Variants in CACNA2D3 observed in about 807,000 individuals in gnomAD.
CACNA2D3 encodes the protein calcium voltage-gated channel auxiliary subunit alpha2delta 3.
In CACNA2D3, 60 loss-of-function variants were observed where a neutral mutation model predicts 160.6. That is an observed-to-expected ratio of 0.37 (90% CI 0.30 to 0.46). CACNA2D3 has a LOEUF of 0.46. Among genes scored for constraint, CACNA2D3 ranks in the 20% least tolerant of loss-of-function variants. CACNA2D3 has a pLI of 1.00. For synonymous variants in CACNA2D3, 558 were observed against 492.9 expected, an observed-to-expected ratio of 1.13 and a Z score of -1.75; for missense variants, 1,205 against 1,365.0, an observed-to-expected ratio of 0.88 and a Z score of 1.85.
intron 2 of CACNA2D3, among the ~76,000 whole-genome samples, chr3:54,320,132 A>G (rs1703955072): frequency 6.6e-6 from 1 of 152,308 alleles, no homozygotes; most frequent in African/African-American, 2.4e-5. Flanking sequence ...AATTGTCTTT[A>G]GTGAGAATTT....
chr3:54,164,958 G>C (rs545893544), intron 2 of CACNA2D3, among the ~76,000 whole-genome samples: 32 of 152,172 alleles, frequency 2.1e-4, no homozygotes, highest in Admixed American at 2.6e-4. Flanking sequence ...GCCATGCTAG[G>C]GGGATCAGTA....
At chr3:54,525,779 A>G (rs1442106061) in intron 5 of CACNA2D3, among the ~76,000 whole-genome samples, 2 of 147,606 alleles carry the variant, frequency 1.4e-5, no homozygotes, top group African/African-American at 4.9e-5. Context: ...TTTGGCCTTC[A>G]GCTTTTTTTT....
intron 11 of CACNA2D3, among the ~76,000 whole-genome samples, chr3:54,653,368 C>T (rs1450663462): frequency 2.6e-5 from 4 of 152,092 alleles, no homozygotes; most frequent in Admixed American, 1.3e-4. Flanking sequence ...TCCTCTTTCT[C>T]TTTCTTTCTC....
At chr3:54,951,556 C>T (rs1211647136) in intron 27 of CACNA2D3, among the ~76,000 whole-genome samples, 4 of 152,158 alleles carry the variant, frequency 2.6e-5, no homozygotes, top group East Asian at 1.9e-4. Context: ...CCAGAACAGA[C>T]CCCTAGGGGG....
At chr3:54,863,993 T>G (rs1404689757) in intron 17 of CACNA2D3, among the ~76,000 whole-genome samples, 1 of 152,158 alleles carries the variant, frequency 6.6e-6, no homozygotes, top group Non-Finnish European at 1.5e-5. Flanking sequence ...CATGTAAGAT[T>G]ACATCTCCGA....
intron 11 of CACNA2D3, among the ~76,000 whole-genome samples, chr3:54,715,777 AAG>A (rs1247331016): frequency 1.3e-5 from 2 of 152,220 alleles, no homozygotes; most frequent in Non-Finnish European, 2.9e-5. Context: ...AGCCATAAAA[AAG>A]AGGGAAACTC....
intron 3 of CACNA2D3, among the ~76,000 whole-genome samples, chr3:54,372,412 GA>G (rs1698940384): frequency 6.6e-6 from 1 of 152,158 alleles, no homozygotes; most frequent in East Asian, 1.9e-4. Context: ...AGAGTTGCCA[GA>G]GTCCCTGCTG....
intron 3 of CACNA2D3, among the ~76,000 whole-genome samples, chr3:54,381,197 C>T (rs1043456881): frequency 3.3e-5 from 5 of 152,072 alleles, no homozygotes; most frequent in Non-Finnish European, 5.9e-5. Context: ...TTAGCTTTAG[C>T]ATAAGAAATA....
chr3:54,643,851 G>A (rs758777185), intron 11 of CACNA2D3, among the ~76,000 whole-genome samples: 4 of 152,164 alleles, frequency 2.6e-5, no homozygotes, highest in East Asian at 1.9e-4. Context: ...GTAAACATGA[G>A]TAGGGCCATG....
chr3:54,301,706 A>G lies in CACNA2D3; in HGVS notation c.205-18736A>G, dbSNP rs549910179. Among the ~76,000 whole-genome samples, 67 of 152,258 alleles carry G rather than the reference A, an allele frequency of 4.4e-4. No individual in the cohort carries two copies. In the East Asian group the frequency reaches 0.012, roughly 26 times the overall value. ...TCCCAGATTTTATCCTACCCCATGAAACACAGCAGGCACATGTGCACACAT... is the reference window on the plus strand; with the variant it reads ...TCCCAGATTTTATCCTACCCCATGAGACACAGCAGGCACATGTGCACACAT... On this transcript the variant is annotated intron_variant, in intron 2 of 37. Transcript: ENST00000474759.
At chr3:54,584,022 C>T (rs1201419470) in intron 9 of CACNA2D3, among the ~76,000 whole-genome samples, 1 of 152,052 alleles carries the variant, frequency 6.6e-6, no homozygotes, top group Non-Finnish European at 1.5e-5. Context: ...ACCAATCCTA[C>T]ATGGTTTCAG....
intron 12 of CACNA2D3, among the ~76,000 whole-genome samples, chr3:54,753,076 G>A (rs1191189838): frequency 6.6e-6 from 1 of 152,080 alleles, no homozygotes; most frequent in Non-Finnish European, 1.5e-5. Context: ...GGCCAGGCTG[G>A]TCTAGAACTC....
chr3:54,729,372 A>G (rs1701340676), intron 11 of CACNA2D3, among the ~76,000 whole-genome samples: 1 of 152,164 alleles, frequency 6.6e-6, no homozygotes, highest in Non-Finnish European at 1.5e-5. Flanking sequence ...ATCCAACCTT[A>G]ATAGATAGAT....
intron 11 of CACNA2D3, among the ~76,000 whole-genome samples, chr3:54,743,983 G>T (rs558073355): frequency 6.6e-6 from 1 of 152,276 alleles, no homozygotes; most frequent in African/African-American, 2.4e-5. Flanking sequence ...CTGTCTGTCT[G>T]TCCCTTCCAT....
intron 2 of CACNA2D3, among the ~76,000 whole-genome samples, chr3:54,269,918 CTGTT>C (rs1271890954): frequency 1.3e-5 from 2 of 152,156 alleles, no homozygotes; most frequent in Admixed American, 6.5e-5. Context: ...TACATGGTCT[CTGTT>C]GTGTTGTCAT....
intron 27 of CACNA2D3, chr3:54,925,249 C>A: frequency 6.4e-7 from 1 of 1,564,800 alleles, no homozygotes; most frequent in South Asian, 1.1e-5. Context: ...GGATAGGAAC[C>A]AGTTTGTGAG....
intron 2 of CACNA2D3, among the ~76,000 whole-genome samples, chr3:54,217,874 G>C (rs62252195): frequency 0.052 from 5,200 of 99,374 alleles, 112 homozygotes; most frequent in African/African-American, 0.14. Context: ...GAGAGAGACA[G>C]AGAGAGAGAG....
intron 27 of CACNA2D3, among the ~76,000 whole-genome samples, chr3:54,962,603 G>C (rs1044318750): frequency 2.6e-5 from 4 of 152,174 alleles, no homozygotes; most frequent in Non-Finnish European, 4.4e-5. Context: ...TCTATTGGTG[G>C]AGACAGAGAG....
chr3:54,784,020 A>G (rs1008750080), intron 13 of CACNA2D3, among the ~76,000 whole-genome samples: 4 of 152,242 alleles, frequency 2.6e-5, no homozygotes, highest in Admixed American at 1.3e-4. Context: ...GTTATTCATG[A>G]TACACACAAC....
Sources: gnomAD v4.1 joint callset for allele counts (sites outside exome capture counted in the v4.1 genomes callset) on GRCh38, gnomAD v4.1.1 for gene constraint, MANE v1.5 for transcripts, NCBI Gene and HGNC (gene_info 2026-07-23, HGNC 2026-07-21) for gene names.